CPAMD8: variants seen among roughly 807,000 people sequenced by gnomAD.
CPAMD8 encodes the protein C3 and PZP like alpha-2-macroglobulin domain containing 8, also known as C3 and PZP-like alpha-2-macroglobulin domain-containing protein 8.
CPAMD8 carries 146 observed loss-of-function variants against 224.7 expected under a neutral mutation model. That is an observed-to-expected ratio of 0.65 (90% CI 0.57 to 0.75). CPAMD8 has a LOEUF of 0.75. Ranked by LOEUF, CPAMD8 falls within the 30% of genes least tolerant of loss-of-function variation. CPAMD8 has a pLI of 0.00. For synonymous variants in CPAMD8, 966 were observed against 1,044.6 expected (o/e 0.92, Z 1.45); for missense variants, 2,301 against 2,537.5 (o/e 0.91, Z 2.00).
rs1018121356 is a variant in CPAMD8 at position 16,980,538 on chromosome 19, G to A, written c.1544C>T (p.Ala515Val). 3.7e-6 allele frequency: 6 copies of A among 1,613,990 alleles called. No homozygotes were observed. Among genetic ancestry groups the A allele is most frequent in the Non-Finnish European group, 5.1e-6 (6 of 1,179,970 alleles). ...TGTTAAACGAATCGGTTTCTCCAGGGCAGGGGCCGCCCGCTTGCTTCGCTG... is the reference window on the plus strand; with the variant it reads ...TGTTAAACGAATCGGTTTCTCCAGGACAGGGGCCGCCCGCTTGCTTCGCTG... ...TQQRSKRAAP[A>V]LEKPIRLTHL... The change falls in exon 14 of 42, where the codon GCC (alanine) becomes GTC (valine). Residue 515 changes from alanine (A) to valine (V), a missense_variant. Around this residue, in one of 4 missense-constraint regions of CPAMD8, gnomAD observed 301 missense variants for 406.6 expected, o/e 0.74. Coordinates refer to ENST00000443236, the MANE Select transcript of CPAMD8 (RefSeq NM_015692.5).
intron 1 of CPAMD8, among the ~76,000 whole-genome samples, chr19:17,023,249 A>C (rs1286757914): frequency 1.3e-5 from 2 of 152,136 alleles, no homozygotes; most frequent in Non-Finnish European, 2.9e-5. Context: ...CTTCAGAAGA[A>C]TAGGAACATG....
At chr19:17,026,522 G>A (rs753136708) in intron 1 of CPAMD8, 29 bp downstream of exon 1, 23 of 1,472,332 alleles carry the variant, frequency 1.6e-5, no homozygotes, top group Admixed American at 1.5e-4. Context: ...GAAGGCGACC[G>A]ACCTCCTCTG....
chr19:17,002,418 C>A, intron 8 of CPAMD8, 68 bp from the exon 9 acceptor site: 2 of 1,047,156 alleles, frequency 1.9e-6, no homozygotes, highest in Non-Finnish European at 2.9e-6. Flanking sequence ...GCCCTGACAC[C>A]GGTGCAAGGT....
intron 10 of CPAMD8, among the ~76,000 whole-genome samples, chr19:16,998,270 G>A (rs751070417): frequency 1.3e-5 from 2 of 152,134 alleles, no homozygotes; most frequent in Non-Finnish European, 2.9e-5. Context: ...GACCAGCCTG[G>A]CCAACATGGC....
intron 18 of CPAMD8, among the ~76,000 whole-genome samples, chr19:16,967,040 G>A (rs921921181): frequency 1.1e-4 from 17 of 151,960 alleles, no homozygotes; most frequent in African/African-American, 4.1e-4. Flanking sequence ...ACATGCACAC[G>A]TATGTTTATT....
chr19:16,968,266 A>C (rs2054928150), intron 18 of CPAMD8, among the ~76,000 whole-genome samples: 1 of 152,056 alleles, frequency 6.6e-6, no homozygotes, highest in East Asian at 1.9e-4. Flanking sequence ...CAATTCCCCG[A>C]TTAGGAGTTG....
chr19:16,980,835 T>C, intron 13 of CPAMD8, 149 bp from the exon 14 acceptor site: 2 of 522,176 alleles, frequency 3.8e-6, no homozygotes, highest in Non-Finnish European at 6.5e-6. Context: ...AGCTTTTTTG[T>C]TTTTTGTTTT....
chr19:17,025,148 C>T lies in CPAMD8; in HGVS notation c.92+1403G>A, dbSNP rs1401891183. On this transcript the variant is annotated intron_variant, in intron 1 of 41. Coordinates refer to ENST00000443236, the MANE Select transcript of CPAMD8 (RefSeq NM_015692.5). ...CTAACGGGCCAGGCACGGTGACTCA[C>T]GCCTCTAATCCCAGCACTTTGGGAG... Among the ~76,000 whole-genome samples the T allele has an allele frequency of 3.3e-5, 5 of 152,146 alleles. No individual in the cohort carries two copies. In the East Asian group the frequency reaches 7.7e-4, roughly 23 times the overall value.
Position 16,971,005 on chromosome 19 carries a change from C to T in CPAMD8, c.2099G>A (p.Arg700Gln), listed in dbSNP as rs1459506469. The T allele has an allele frequency of 2.5e-6, 4 of 1,611,464 alleles. No individual in the cohort carries two copies. Among genetic ancestry groups the T allele is most frequent in the South Asian group, 2.2e-5 (2 of 90,864 alleles). ...GTCCTGCCGGTGGTTCAGGCTCACT[C>T]GGTCGGTCATCACCACCAGTCCCGT... ...TETGLVVMTD[R>Q]VSLNHRQDGG... The change falls in exon 18 of 42, where the codon CGA becomes CAA. Residue 700 changes from arginine to glutamine, a missense_variant. This residue lies in a region of CPAMD8 where 1,709 missense variants were observed against 1,753.2 expected (regional missense o/e 0.97). Transcript: ENST00000443236.
chr19:16,992,142 G>A (rs1029144146), intron 12 of CPAMD8, among the ~76,000 whole-genome samples: 4 of 152,112 alleles, frequency 2.6e-5, no homozygotes, highest in African/African-American at 9.7e-5. Context: ...TCCTGTTCTT[G>A]CCTCCCCTGA....
intron 27 of CPAMD8, among the ~76,000 whole-genome samples, chr19:16,919,323 T>G (rs1399842736): frequency 1.2e-4 from 18 of 152,200 alleles, no homozygotes; most frequent in Admixed American, 1.2e-3. Context: ...AATTGCTCAC[T>G]GTGAGAGGAA....
rs772339609 is a variant in CPAMD8 at position 17,004,270 on chromosome 19, T to C, written c.673+3A>G. Reference sequence around the variant, plus strand: ...CCCAAGACCCTGAGATTCTCCAACTTACCATACTTCTGAACTTCAAAAGAC... The same window carrying C: ...CCCAAGACCCTGAGATTCTCCAACTCACCATACTTCTGAACTTCAAAAGAC... On this transcript the variant is annotated splice_donor_region_variant and intron_variant, in intron 8 of 41. Coordinates refer to ENST00000443236, the MANE Select transcript of CPAMD8 (RefSeq NM_015692.5). 2.7e-5 allele frequency: 43 copies of C among 1,589,202 alleles called. No individual in the cohort carries two copies. The highest frequency in any genetic ancestry group is 3.6e-5 in the Non-Finnish European group (42 of 1,157,894).
intron 18 of CPAMD8, 34 bp downstream of exon 18, chr19:16,970,857 G>A (rs2055035128): frequency 1.9e-6 from 3 of 1,606,602 alleles, no homozygotes; most frequent in East Asian, 2.2e-5. Flanking sequence ...TAGGACCAGG[G>A]TTAGAAAACC....
chr19:17,000,526 G>C lies in CPAMD8; in HGVS notation c.759-4C>G, dbSNP rs750826722. The C allele has an allele frequency of 3.5e-6, 4 of 1,158,646 alleles. No individual in the cohort carries two copies. The African/African-American group carries it at 4.5e-5, about 13-fold the overall frequency. 71.8% of individuals were successfully genotyped at this position (1,158,646 alleles called of 1,614,324 possible). A position where few individuals can be genotyped will look rare whatever the true frequency, so the allele number is the denominator to read the frequency against. On this transcript the variant is annotated splice_region_variant and splice_polypyrimidine_tract_variant and intron_variant, in intron 9 of 41. Coordinates refer to ENST00000443236, the MANE Select transcript of CPAMD8 (RefSeq NM_015692.5). The stretch of plus-strand genomic sequence containing the variant: ...CACAGGTTTCCCAAAGGTATACCTG[G>C]AACAAAAGGATAAAGCATGCTCAAT...
intron 7 of CPAMD8, among the ~76,000 whole-genome samples, 189 bp downstream of exon 7, chr19:17,008,316 G>C (rs2056549074): frequency 6.6e-6 from 1 of 152,200 alleles, no homozygotes; most frequent in African/African-American, 2.4e-5. Flanking sequence ...GCTGGGCTGA[G>C]GCTCCCAGAT....
At chr19:16,922,025 G>A (rs1399718351) in intron 26 of CPAMD8, 39 bp from the exon 27 acceptor site, 1 of 1,451,062 alleles carries the variant, frequency 6.9e-7, no homozygotes, top group Non-Finnish European at 9.4e-7. Context: ...CTGTTGAGTG[G>A]CCTGGCCCAG....
chr19:16,998,140 C>T (rs1391917102), intron 10 of CPAMD8, among the ~76,000 whole-genome samples: 1 of 152,130 alleles, frequency 6.6e-6, no homozygotes, highest in African/African-American at 2.4e-5. Context: ...TTATGGTTTC[C>T]AATCCATGGA....
chr19:16,925,223 T>C lies in CPAMD8; in HGVS notation c.3520A>G (p.Arg1174Gly), dbSNP rs1371189740. Reference sequence around the variant, plus strand: ...TGTACTAGGTAGTCGGTGGTCTCTCTCTCCACCTCAGGGCTGAGCTGCTGG... The same window carrying C: ...TGTACTAGGTAGTCGGTGGTCTCTCCCTCCACCTCAGGGCTGAGCTGCTGG... ...KTQQLSPEVE[R>G]ETTDYLVQGY... Residue 1174 changes from arginine to glycine, a missense_variant, in exon 26 of 42, where the codon AGA becomes GGA. By Grantham distance (125) the Arg-to-Gly change is moderately radical (BLOSUM62 -2). Coordinates refer to ENST00000443236, the MANE Select transcript of CPAMD8 (RefSeq NM_015692.5). 2 of 1,614,216 alleles carry C rather than the reference T, an allele frequency of 1.2e-6. No homozygotes were observed. The highest frequency in any genetic ancestry group is 1.7e-6 in the Non-Finnish European group (2 of 1,180,042).
intron 1 of CPAMD8, among the ~76,000 whole-genome samples, chr19:17,022,449 C>T (rs141662377): frequency 9.9e-5 from 15 of 152,160 alleles, no homozygotes; most frequent in East Asian, 1.9e-4. Context: ...CTCTCTATTC[C>T]GGCCTCCAGC....
Sources: gnomAD v4.1 joint callset for allele counts (sites outside exome capture counted in the v4.1 genomes callset) on GRCh38, gnomAD v4.1.1 for gene constraint, gnomAD v4.1.1 regional missense constraint, MANE v1.5 for transcripts, NCBI Gene and HGNC (gene_info 2026-07-23, HGNC 2026-07-21) for gene names.